BTBD9: variants seen among roughly 807,000 people sequenced by gnomAD.
BTBD9 encodes the protein BTB domain containing 9.
Under a neutral mutation model 64.3 loss-of-function variants are expected in BTBD9, and 49 were observed. The ratio of observed to expected loss-of-function variants is 0.76; its 90% CI spans 0.61 to 0.97. The LOEUF is 0.97. Ranked by LOEUF, BTBD9 falls within the 50% of genes least tolerant of loss-of-function variation. The pLI, the probability that BTBD9 is intolerant of heterozygous loss-of-function variation, is 0.00. For missense variants in BTBD9, 598 were observed against 762.1 expected, an observed-to-expected ratio of 0.78 and a Z score of 2.53; for synonymous variants, 260 against 274.7, an observed-to-expected ratio of 0.95 and a Z score of 0.53.
intron 4 of BTBD9, among the ~76,000 whole-genome samples, chr6:38,584,333 A>C (rs1234917284): frequency 6.6e-6 from 1 of 152,206 alleles, no homozygotes; most frequent in African/African-American, 2.4e-5. Context: ...GTCTTGAAAA[A>C]ACAAGGTGAT....
chr6:38,215,908 G>GC (rs1762994668), intron 9 of BTBD9, among the ~76,000 whole-genome samples: 1 of 152,082 alleles, frequency 6.6e-6, no homozygotes, highest in African/African-American at 2.4e-5. Flanking sequence ...CCCCACCTGC[G>GC]CCCCCCACAC....
chr6:38,611,299 T>C (rs146708596), intron 1 of BTBD9, among the ~76,000 whole-genome samples: 1 of 152,186 alleles, frequency 6.6e-6, no homozygotes, highest in East Asian at 1.9e-4. Flanking sequence ...TGGGAAGTTT[T>C]ATGATTAAAC....
At chr6:38,265,159 G>A (rs952706181) in intron 8 of BTBD9, among the ~76,000 whole-genome samples, 1 of 152,092 alleles carries the variant, frequency 6.6e-6, no homozygotes, top group South Asian at 2.1e-4. Flanking sequence ...TCTCGGGTGT[G>A]TGGCATATGT....
intron 6 of BTBD9, among the ~76,000 whole-genome samples, chr6:38,428,583 A>C (rs1232077094): frequency 6.6e-6 from 1 of 151,838 alleles, no homozygotes; most frequent in African/African-American, 2.4e-5. Context: ...TTTCTCATGC[A>C]TTCCCAACAC....
At chr6:38,489,175 C>T (rs796646809) in intron 6 of BTBD9, among the ~76,000 whole-genome samples, 19 of 152,210 alleles carry the variant, frequency 1.2e-4, no homozygotes, top group African/African-American at 4.1e-4. Context: ...GGATTATAGG[C>T]GTGAACAACT....
intron 6 of BTBD9, among the ~76,000 whole-genome samples, chr6:38,383,254 A>T (rs1766013254): frequency 6.6e-6 from 1 of 152,212 alleles, no homozygotes; most frequent in Non-Finnish European, 1.5e-5. Flanking sequence ...TTTAAATGAG[A>T]AAAACCCTGT....
intron 6 of BTBD9, among the ~76,000 whole-genome samples, chr6:38,490,566 C>T (rs771529019): frequency 1.2e-4 from 18 of 152,016 alleles, no homozygotes; most frequent in African/African-American, 2.9e-4. Flanking sequence ...GTGATCCACC[C>T]GCCTCAGCCT....
chr6:38,422,350 T>C (rs1418361882), intron 6 of BTBD9, among the ~76,000 whole-genome samples: 1 of 152,210 alleles, frequency 6.6e-6, no homozygotes, highest in Non-Finnish European at 1.5e-5. Flanking sequence ...CCCATTCTTT[T>C]CCTTCATAGG....
intron 6 of BTBD9, among the ~76,000 whole-genome samples, chr6:38,533,449 A>C (rs1016198800): frequency 6.6e-6 from 1 of 152,196 alleles, no homozygotes; most frequent in Admixed American, 6.5e-5. Flanking sequence ...CTCTATTAGA[A>C]TCACAGCTGG....
At chr6:38,356,218 G>A (rs1764723716) in intron 6 of BTBD9, among the ~76,000 whole-genome samples, 2 of 152,136 alleles carry the variant, frequency 1.3e-5, no homozygotes. Context: ...CCAGTGGGCT[G>A]AGCACTCAGA....
intron 6 of BTBD9, among the ~76,000 whole-genome samples, chr6:38,552,248 G>A (rs936840114): frequency 3.3e-5 from 5 of 152,098 alleles, no homozygotes; most frequent in African/African-American, 7.2e-5. Flanking sequence ...TATAGAAATC[G>A]GAAGCAGTGT....
At chr6:38,449,100 T>A (rs1562202175) in intron 6 of BTBD9, among the ~76,000 whole-genome samples, 1 of 152,132 alleles carries the variant, frequency 6.6e-6, no homozygotes, top group Non-Finnish European at 1.5e-5. Flanking sequence ...CTGCATCTGT[T>A]CAGCTTACAG....
chr6:38,174,427 AG>A lies in BTBD9; in HGVS notation c.*557del, dbSNP rs1348737052. The A allele has an allele frequency of 6.6e-6, 1 of 152,616 alleles. No individual in the cohort carries two copies. The highest frequency in any genetic ancestry group is 1.5e-5 in the Non-Finnish European group (1 of 68,354). 9.5% of individuals were successfully genotyped at this position (152,616 alleles called of 1,614,324 possible). ...AAGGAAGGAAAATTATAGCATCAAAAGGGATTAAAACTAGTGATTTGCTGTT... is the reference window on the plus strand; with the variant it reads ...AAGGAAGGAAAATTATAGCATCAAAAGGATTAAAACTAGTGATTTGCTGTT... On this transcript the variant is annotated 3_prime_UTR_variant, in exon 11 of 11. Coordinates refer to ENST00000481247, the MANE Select transcript of BTBD9 (RefSeq NM_001099272.2).
At chr6:38,370,242 TG>T (rs1281834115) in intron 6 of BTBD9, among the ~76,000 whole-genome samples, 1 of 152,198 alleles carries the variant, frequency 6.6e-6, no homozygotes, top group Non-Finnish European at 1.5e-5. Flanking sequence ...TCACTCAGCC[TG>T]CCTCTTTGAA....
At position 38,367,799 on chromosome 6, in the gene BTBD9, C is replaced by CAAAAAAAAAAAAAAA. The variant is rs575025737; in HGVS notation, c.1155-22721_1155-22707dup. 9.5e-5 allele frequency among the ~76,000 whole-genome samples: 8 copies of CAAAAAAAAAAAAAAA among 84,336 alleles called. 1 individual carries two copies. Among genetic ancestry groups the CAAAAAAAAAAAAAAA allele is most frequent in the East Asian group, 1.0e-3 (2 of 1,918 alleles). The allele number at this position is 84,336 out of a possible 152,430, so 55.3% of individuals were successfully genotyped here. A position where few individuals can be genotyped will look rare whatever the true frequency, so the allele number is the denominator to read the frequency against. ...TGCAAGAGTGTTGCACCAGAAATGG[C>CAAAAAAAAAAAAAAA]AAAAAAAAAAAAAAAAAAAAAAAAA... On this transcript the variant is annotated intron_variant, in intron 6 of 10. Coordinates refer to ENST00000481247, the MANE Select transcript of BTBD9 (RefSeq NM_001099272.2).
At chr6:38,371,211 C>G (rs969658068) in intron 6 of BTBD9, among the ~76,000 whole-genome samples, 1 of 152,176 alleles carries the variant, frequency 6.6e-6, no homozygotes. Context: ...TACTGAAAGA[C>G]GATCCAGTCT....
intron 4 of BTBD9, among the ~76,000 whole-genome samples, chr6:38,586,705 T>A (rs1354876925): frequency 6.6e-6 from 1 of 152,234 alleles, no homozygotes; most frequent in South Asian, 2.1e-4. Flanking sequence ...TGAAATTTTA[T>A]ATCCTTTTTT....
At chr6:38,526,230 A>G (rs1773483393) in intron 6 of BTBD9, among the ~76,000 whole-genome samples, 1 of 152,222 alleles carries the variant, frequency 6.6e-6, no homozygotes, top group African/African-American at 2.4e-5. Context: ...TGGCCAAGGT[A>G]CAGCTTGGGC....
intron 6 of BTBD9, chr6:38,402,723 T>C (rs189933696): frequency 6.3e-4 from 428 of 676,404 alleles, no homozygotes; most frequent in African/African-American, 2.5e-3. Flanking sequence ...TAGAAGAAAA[T>C]AGAGGTGTAT....
Sources: allele counts gnomAD v4.1 joint callset (sites outside exome capture counted in the v4.1 genomes callset), GRCh38; gene constraint gnomAD v4.1.1; transcripts MANE v1.5; gene names NCBI Gene and HGNC (gene_info 2026-07-23, HGNC 2026-07-21).